The following CTNND2 variants were observed in gnomAD, a reference collection of about 807,000 sequenced individuals.
The protein encoded by CTNND2 is catenin delta-2.
CTNND2 carries 22 observed loss-of-function variants against 144.4 expected under a neutral mutation model. The ratio of observed to expected loss-of-function variants is 0.15; its 90% CI spans 0.11 to 0.22. CTNND2 has a LOEUF of 0.22. Ranked by LOEUF, CTNND2 falls within the 10% of genes least tolerant of loss-of-function variation. The pLI, the probability that CTNND2 is intolerant of heterozygous loss-of-function variation, is 1.00. For missense variants in CTNND2, 1,353 were observed against 1,618.8 expected (o/e 0.84, Z 2.82); for synonymous variants, 751 against 695.6 (o/e 1.08, Z -1.25).
At chr5:11,778,123 C>A (rs1790352552) in intron 1 of CTNND2, among the ~76,000 whole-genome samples, 1 of 152,076 alleles carries the variant, frequency 6.6e-6, no homozygotes, top group African/African-American at 2.4e-5. Flanking sequence ...AAGAGACATC[C>A]TTAACAACTA....
intron 2 of CTNND2, among the ~76,000 whole-genome samples, chr5:11,665,078 T>G (rs1193959658): frequency 6.6e-6 from 1 of 152,160 alleles, no homozygotes; most frequent in Non-Finnish European, 1.5e-5. Flanking sequence ...GAATTGAAAT[T>G]CAATTTCCCA....
chr5:11,496,372 G>T (rs1181941001), intron 3 of CTNND2, among the ~76,000 whole-genome samples: 1 of 152,158 alleles, frequency 6.6e-6, no homozygotes, highest in Admixed American at 6.6e-5. Flanking sequence ...GAACATGTTT[G>T]GCTTCCATCC....
chr5:11,004,016 C>G (rs58888800), intron 18 of CTNND2, among the ~76,000 whole-genome samples: 12,110 of 152,130 alleles, frequency 0.08, 1,622 homozygotes, highest in African/African-American at 0.28. Context: ...TTCTAAAGAA[C>G]CAGTGTAACC....
At chr5:11,840,340 G>A (rs1034884530) in intron 1 of CTNND2, among the ~76,000 whole-genome samples, 1 of 152,032 alleles carries the variant, frequency 6.6e-6, no homozygotes, top group Non-Finnish European at 1.5e-5. Flanking sequence ...ACTATGTATT[G>A]AAGATAATTT....
At chr5:11,139,144 A>G (rs1295880090) in intron 12 of CTNND2, among the ~76,000 whole-genome samples, 1 of 152,144 alleles carries the variant, frequency 6.6e-6, no homozygotes, top group East Asian at 1.9e-4. Context: ...TATTTTTACT[A>G]GAGACAGTGT....
intron 2 of CTNND2, among the ~76,000 whole-genome samples, chr5:11,598,828 C>G (rs1328002721): frequency 6.6e-6 from 1 of 152,090 alleles, no homozygotes; most frequent in Non-Finnish European, 1.5e-5. Context: ...AAGTAAGCAT[C>G]TTGTATTAGT....
chr5:11,180,468 G>A (rs891961175), intron 11 of CTNND2, among the ~76,000 whole-genome samples: 4 of 152,144 alleles, frequency 2.6e-5, no homozygotes, highest in Admixed American at 2.6e-4. Context: ...AGCATTTAAA[G>A]AAAGAAACAT....
intron 15 of CTNND2, among the ~76,000 whole-genome samples, chr5:11,093,454 T>A (rs1394576145): frequency 2.6e-5 from 4 of 152,334 alleles, no homozygotes; most frequent in Non-Finnish European, 4.4e-5. Flanking sequence ...TCTGCCATAA[T>A]AACATTATGT....
In CTNND2 at chr5:11,129,209, T is replaced by TATATATTATATATAAA. The variant is rs1554050061; in HGVS notation, c.2160-11643_2160-11642insTTTATATATAATATAT. 1.5e-4 allele frequency among the ~76,000 whole-genome samples: 4 copies of TATATATTATATATAAA among 27,476 alleles called. 1 individual carries two copies. The highest frequency in any genetic ancestry group is 2.1e-4 in the Non-Finnish European group (3 of 13,986). The allele number at this position is 27,476 out of a possible 152,430, so 18.0% of individuals were successfully genotyped here. A position where few individuals can be genotyped will look rare whatever the true frequency, so the allele number is the denominator to read the frequency against. On this transcript the variant is annotated intron_variant, in intron 12 of 21. Transcript: ENST00000304623. ...ATAATATATAATATATATTATATAT[T>TATATATTATATATAAA]TATATATTATATATAAATATATATT...
intron 16 of CTNND2, among the ~76,000 whole-genome samples, chr5:11,033,568 T>C (rs28373741): frequency 0.02 from 3,020 of 152,272 alleles, 103 homozygotes; most frequent in African/African-American, 0.069. Context: ...TGGTGGCTCA[T>C]GCCTATAATC....
chr5:11,380,912 C>T (rs1002065552), intron 7 of CTNND2, among the ~76,000 whole-genome samples: 9 of 152,180 alleles, frequency 5.9e-5, no homozygotes, highest in African/African-American at 2.2e-4. Flanking sequence ...TGGCTACATG[C>T]ACTTTGATTC....
chr5:11,089,760 A>T (rs1345763758), intron 15 of CTNND2, among the ~76,000 whole-genome samples: 2 of 152,242 alleles, frequency 1.3e-5, no homozygotes, highest in African/African-American at 4.8e-5. Context: ...CTGTAATCCG[A>T]GCACTTTCGG....
chr5:11,901,886 G>T (rs993977302), intron 1 of CTNND2, among the ~76,000 whole-genome samples: 1 of 152,190 alleles, frequency 6.6e-6, no homozygotes. Flanking sequence ...AAAAAGAAAA[G>T]GAAACGAGAC....
intron 11 of CTNND2, among the ~76,000 whole-genome samples, chr5:11,171,070 A>C (rs1759853768): frequency 6.6e-6 from 1 of 152,166 alleles, no homozygotes; most frequent in South Asian, 2.1e-4. Flanking sequence ...GCTACAATTC[A>C]AGAAGAGATT....
intron 9 of CTNND2, among the ~76,000 whole-genome samples, chr5:11,311,144 ACT>A (rs1409157099): frequency 2.7e-5 from 3 of 112,202 alleles, no homozygotes; most frequent in Non-Finnish European, 3.6e-5. Context: ...ACACTGTCAC[ACT>A]CTCTCCATGA....
At chr5:11,893,371 G>C (rs1737141126) in intron 1 of CTNND2, among the ~76,000 whole-genome samples, 1 of 152,180 alleles carries the variant, frequency 6.6e-6, no homozygotes, top group Non-Finnish European at 1.5e-5. Flanking sequence ...AGATTATCTA[G>C]CGCTGGAGGT....
chr5:11,284,220 G>C (rs896600476), intron 9 of CTNND2, among the ~76,000 whole-genome samples: 1 of 152,166 alleles, frequency 6.6e-6, no homozygotes, highest in Non-Finnish European at 1.5e-5. Flanking sequence ...TCAGTACCGG[G>C]CTCCTGTTGT....
Position 11,421,085 on chromosome 5 carries a change from C to T in CTNND2, c.288-9016G>A, listed in dbSNP as rs375382123. ...CTAAGACTAGCGGGAACCAATATAG[C>T]AGCTCGTCTGACCTCTGAAGAACCT... On this transcript the variant is annotated intron_variant, in intron 3 of 21. Transcript: ENST00000304623. Among the ~76,000 whole-genome samples, 15 of 152,240 alleles carry T rather than the reference C, an allele frequency of 9.9e-5. No homozygotes were observed. In the East Asian group the frequency reaches 2.1e-3, roughly 22 times the overall value.
intron 3 of CTNND2, among the ~76,000 whole-genome samples, chr5:11,451,496 G>A (rs1016444908): frequency 6.6e-6 from 1 of 152,142 alleles, no homozygotes; most frequent in Non-Finnish European, 1.5e-5. Flanking sequence ...TCTAAAATTT[G>A]AAATGATGTT....
Sources: allele counts gnomAD v4.1 joint callset (sites outside exome capture counted in the v4.1 genomes callset), GRCh38; gene constraint gnomAD v4.1.1; transcripts MANE v1.5; gene names NCBI Gene and HGNC (gene_info 2026-07-23, HGNC 2026-07-21).